Variants in UTP14C observed in about 807,000 individuals in gnomAD.
UTP14C encodes UTP14C small subunit processome component, also known as U3 small nucleolar RNA-associated protein 14 homolog C.
UTP14C carries 10 observed loss-of-function variants against 14.6 expected under a neutral mutation model. The observed-to-expected ratio is 0.68, with a 90% confidence interval of 0.42 to 1.16. UTP14C has a LOEUF of 1.16. Among genes scored for constraint, UTP14C ranks in the 50% most tolerant of loss-of-function variants. UTP14C has a pLI of 0.00. For synonymous variants in UTP14C, 315 were observed against 331.6 expected (o/e 0.95, Z 0.54); for missense variants, 818 against 890.8 (o/e 0.92, Z 1.04).
chr13:52,027,008 C>T (rs1354904221), intron 1 of UTP14C, among the ~76,000 whole-genome samples: 2 of 151,998 alleles, frequency 1.3e-5, no homozygotes, highest in East Asian at 3.9e-4. Context: ...CATCCAAGTG[C>T]AGTGTCTTAG....
rs201147529 is a variant in UTP14C, at chr13:52,030,867, T to G, written c.2063T>G (p.Phe688Cys). 1 of 1,614,190 alleles carries G rather than the reference T, an allele frequency of 6.2e-7. No homozygotes were observed. The highest frequency in any genetic ancestry group is 1.1e-5 in the South Asian group (1 of 91,076). ...CAGGTACAAGTGCTTCCATATCCAT[T>G]TACCCACCATCGGCAATTTGAAAGG... ...AHQVQVLPYP[F>C]THHRQFERTI... is the part of the protein sequence containing the mutation. The change falls in exon 2 of 2, where the codon TTT becomes TGT. Residue 688 changes from phenylalanine to cysteine, a missense_variant. Phe to Cys is a radical substitution (Grantham distance 205). Coordinates refer to ENST00000521776, the MANE Select transcript of UTP14C (RefSeq NM_021645.6).
In UTP14C at chr13:52,028,565, C is replaced by T. The variant is rs759876630; in HGVS notation, c.-240C>T. 8.7e-6 allele frequency: 14 copies of T among 1,614,094 alleles called. No homozygotes were observed. The South Asian group carries it at 1.5e-4, about 18-fold the overall frequency. On this transcript the variant is annotated 5_prime_UTR_variant, in exon 2 of 2. Coordinates refer to ENST00000521776, the MANE Select transcript of UTP14C (RefSeq NM_021645.6). The stretch of plus-strand genomic sequence containing the variant: ...CAGGAATTTGAAGTGACATTCCTAT[C>T]ATCTGTGGAAAAGTTATTTAAGTAA...
chr13:52,029,254 C>A lies in UTP14C; in HGVS notation c.450C>A (p.Asn150Lys), dbSNP rs759764724. 6.8e-6 allele frequency: 11 copies of A among 1,614,074 alleles called. No homozygotes were observed. The highest frequency in any genetic ancestry group is 9.3e-6 in the Non-Finnish European group (11 of 1,180,040). ...AATGGGACCCTATCATCCTGAAGAACCAGCAGGCAGAGCAGCTGGTTTTTC... is the reference window on the plus strand; with the variant it reads ...AATGGGACCCTATCATCCTGAAGAAACAGCAGGCAGAGCAGCTGGTTTTTC... ...LSKWDPIILKNQQAEQLVFPL... is the reference protein window; with the variant it reads ...LSKWDPIILKKQQAEQLVFPL... The change falls in exon 2 of 2, where the codon AAC becomes AAA. Residue 150 changes from asparagine to lysine, a missense_variant. Asn to Lys is a moderately conservative substitution (Grantham distance 94, BLOSUM62 0). Coordinates refer to ENST00000521776, the MANE Select transcript of UTP14C (RefSeq NM_021645.6).
intron 1 of UTP14C, among the ~76,000 whole-genome samples, chr13:52,025,845 C>T (rs559928752): frequency 6.6e-6 from 1 of 152,222 alleles, no homozygotes; most frequent in Non-Finnish European, 1.5e-5. Flanking sequence ...TTCTCTTATA[C>T]TCTTTTTACT....
In UTP14C at chr13:52,031,352, A is replaced by T; in HGVS notation, c.*247A>T. The stretch of plus-strand genomic sequence containing the variant: ...AATACAGTGGATGACCCTTTTGAAT[A>T]TACCTAATGATTTCCTTAAAAAAGA... On this transcript the variant is annotated 3_prime_UTR_variant, in exon 2 of 2. Coordinates refer to ENST00000521776, the MANE Select transcript of UTP14C (RefSeq NM_021645.6). 1.9e-6 allele frequency: 1 copy of T among 529,502 alleles called. No homozygotes were observed. Among genetic ancestry groups the T allele is most frequent in the Non-Finnish European group, 3.3e-6 (1 of 306,366 alleles). 32.8% of individuals were successfully genotyped at this position (529,502 alleles called of 1,614,324 possible). A position where few individuals can be genotyped will look rare whatever the true frequency, so the allele number is the denominator to read the frequency against.
intron 1 of UTP14C, 23 bp from the exon 2 acceptor site, chr13:52,028,296 A>G: frequency 1.2e-6 from 2 of 1,614,082 alleles, no homozygotes; most frequent in South Asian, 1.1e-5. Context: ...AAAAGATTAC[A>G]TGATTTGTGT....
chr13:52,028,254 A>C, intron 1 of UTP14C, 65 bp from the exon 2 acceptor site: 2 of 1,593,694 alleles, frequency 1.3e-6, no homozygotes, highest in South Asian at 2.2e-5. Flanking sequence ...ATTTCTATTC[A>C]TCCTCATTCT....
intron 1 of UTP14C, 69 bp from the exon 2 acceptor site, chr13:52,028,250 A>C: frequency 1.9e-6 from 3 of 1,576,892 alleles, no homozygotes; most frequent in Non-Finnish European, 2.6e-6. Context: ...GAAGATTTCT[A>C]TTCATCCTCA....
chr13:52,027,889 T>A (rs1954257048), intron 1 of UTP14C, among the ~76,000 whole-genome samples: 1 of 152,252 alleles, frequency 6.6e-6, no homozygotes, highest in Non-Finnish European at 1.5e-5. Context: ...CATTCTCTAG[T>A]CTTCTTTTTT....
In UTP14C at chr13:52,033,499, G is replaced by A; in HGVS notation, c.*2394G>A. ...CTTTCCAGTGTGGTGCCTTTTATAT[G>A]CCTCACATAGTCTCCTTGTTCTCCT... On this transcript the variant is annotated 3_prime_UTR_variant, in exon 2 of 2. Coordinates refer to ENST00000521776, the MANE Select transcript of UTP14C (RefSeq NM_021645.6). 1 of 167,074 alleles carries A rather than the reference G, an allele frequency of 6.0e-6. No individual in the cohort carries two copies. 10.3% of individuals were successfully genotyped at this position (167,074 alleles called of 1,614,324 possible).
rs775139091 is a variant in UTP14C at position 52,029,264 on chromosome 13, G to A, written c.460G>A (p.Glu154Lys). The change falls in exon 2 of 2, where the codon GAG becomes AAG. Residue 154 changes from glutamate (E) to lysine (K), a missense_variant. Physicochemically the swap from Glu to Lys is moderately conservative, Grantham distance 56 (BLOSUM62 1). Coordinates refer to ENST00000521776, the MANE Select transcript of UTP14C (RefSeq NM_021645.6). ...TATCATCCTGAAGAACCAGCAGGCAGAGCAGCTGGTTTTTCCCCTGGGGAA... is the reference window on the plus strand; with the variant it reads ...TATCATCCTGAAGAACCAGCAGGCAAAGCAGCTGGTTTTTCCCCTGGGGAA... ...DPIILKNQQA[E>K]QLVFPLGKEQ... 3 of 1,614,200 alleles carry A rather than the reference G, an allele frequency of 1.9e-6. No homozygotes were observed. Among genetic ancestry groups the A allele is most frequent in the East Asian group, 2.2e-5 (1 of 44,874 alleles).
chr13:52,025,046 G>A (rs755859962), intron 1 of UTP14C, 109 bp downstream of exon 1: 15 of 1,245,080 alleles, frequency 1.2e-5, no homozygotes, highest in Non-Finnish European at 1.7e-5. Flanking sequence ...TAATTCTCTT[G>A]CCCTCATCCA....
Position 52,028,324 on chromosome 13 carries a change from G to T in UTP14C, c.-481G>T. 3.1e-6 allele frequency: 5 copies of T among 1,614,128 alleles called. No individual in the cohort carries two copies. Among genetic ancestry groups the T allele is most frequent in the Non-Finnish European group, 4.2e-6 (5 of 1,180,028 alleles). On this transcript the variant is annotated 5_prime_UTR_variant, in exon 2 of 2. Coordinates refer to ENST00000521776, the MANE Select transcript of UTP14C (RefSeq NM_021645.6). ...ATTTGTGTTTTTTTTCTCAGGAGTT[G>T]TGGAGTGTATGGCAGCTGGCACAAT... is the stretch of plus-strand genomic sequence containing the variant.
rs970208882 is a variant in UTP14C at position 52,024,881 on chromosome 13, A to G, written c.-543A>G. On this transcript the variant is annotated 5_prime_UTR_variant, in exon 1 of 2. Coordinates refer to ENST00000521776, the MANE Select transcript of UTP14C (RefSeq NM_021645.6). The stretch of plus-strand genomic sequence containing the variant: ...ATTCCATTTGATGAATTAAAGAATT[A>G]TTTGTCTGAAGCAACAATTGGTCTG... 6.2e-7 allele frequency: 1 copy of G among 1,613,478 alleles called. No individual in the cohort carries two copies. The highest frequency in any genetic ancestry group is 8.5e-7 in the Non-Finnish European group (1 of 1,180,036).
rs376414131 is a variant in UTP14C at position 52,029,759 on chromosome 13, C to A, written c.955C>A (p.Arg319Ser). The A allele has an allele frequency of 6.2e-7, 1 of 1,614,130 alleles. No homozygotes were observed. The highest frequency in any genetic ancestry group is 2.2e-5 in the East Asian group (1 of 44,878). ...TATGGCCAAATATGACCTGGAGGCT[C>A]GCCAAGCTATGCAGGAACAGTTGGC... ...AIMAKYDLEA[R>S]QAMQEQLAKN... The change falls in exon 2 of 2, where the codon CGC becomes AGC. Residue 319 changes from arginine to serine, a missense_variant. Physicochemically the swap from Arg to Ser is moderately radical, Grantham distance 110 (BLOSUM62 -1). Coordinates refer to ENST00000521776, the MANE Select transcript of UTP14C (RefSeq NM_021645.6).
chr13:52,027,777 T>C (rs1436987118), intron 1 of UTP14C, among the ~76,000 whole-genome samples: 1 of 152,264 alleles, frequency 6.6e-6, no homozygotes, highest in Admixed American at 6.5e-5. Flanking sequence ...TTCACTTTTT[T>C]ATTTTTTCTG....
Position 52,030,866 on chromosome 13 carries a change from T to C in UTP14C, c.2062T>C (p.Phe688Leu). The change falls in exon 2 of 2, where the codon TTT (phenylalanine) becomes CTT (leucine). Residue 688 changes from phenylalanine (F) to leucine (L), a missense_variant. Physicochemically the swap from Phe to Leu is conservative, Grantham distance 22. Transcript: ENST00000521776. Reference protein sequence around the residue: ...AHQVQVLPYPFTHHRQFERTI... With the variant: ...AHQVQVLPYPLTHHRQFERTI... Reference sequence around the variant, plus strand: ...TCAGGTACAAGTGCTTCCATATCCATTTACCCACCATCGGCAATTTGAAAG... The same window carrying C: ...TCAGGTACAAGTGCTTCCATATCCACTTACCCACCATCGGCAATTTGAAAG... The C allele has an allele frequency of 6.2e-7, 1 of 1,614,132 alleles. No individual in the cohort carries two copies. Among genetic ancestry groups the C allele is most frequent in the Non-Finnish European group, 8.5e-7 (1 of 1,180,028 alleles).
At position 52,029,914 on chromosome 13, in the gene UTP14C, G is replaced by A. The variant is rs141006116; in HGVS notation, c.1110G>A (p.Pro370=). 80 of 1,614,180 alleles carry A rather than the reference G, an allele frequency of 5.0e-5. No individual in the cohort carries two copies. In the African/African-American group the frequency reaches 6.7e-4, roughly 13 times the overall value. ...ANEVQMNVDG[P]NPWMFRSCTS... is the part of the protein sequence containing the mutation. ...AAGTGCAGATGAATGTGGACGGACCGAATCCCTGGATGTTCAGGAGCTGCA... is the reference window on the plus strand; with the variant it reads ...AAGTGCAGATGAATGTGGACGGACCAAATCCCTGGATGTTCAGGAGCTGCA... Residue 370 remains proline, a synonymous_variant, in exon 2 of 2, where the codon CCG becomes CCA. Coordinates refer to ENST00000521776, the MANE Select transcript of UTP14C (RefSeq NM_021645.6).
Position 52,024,856 on chromosome 13 carries a change from A to T in UTP14C, c.-568A>T, listed in dbSNP as rs1228510389. 1.9e-6 allele frequency: 3 copies of T among 1,614,050 alleles called. No homozygotes were observed. Among genetic ancestry groups the T allele is most frequent in the Non-Finnish European group, 2.5e-6 (3 of 1,179,978 alleles). On this transcript the variant is annotated 5_prime_UTR_variant, in exon 1 of 2. Coordinates refer to ENST00000521776, the MANE Select transcript of UTP14C (RefSeq NM_021645.6). ...AGAATATGTGGAATTTAAAATAAAC[A>T]TTCCATTTGATGAATTAAAGAATTA...
Sources: allele counts gnomAD v4.1 joint callset (sites outside exome capture counted in the v4.1 genomes callset), GRCh38; gene constraint gnomAD v4.1.1; transcripts MANE v1.5; gene names NCBI Gene and HGNC (gene_info 2026-07-23, HGNC 2026-07-21).